The following NANS variants were observed in gnomAD, a reference collection of about 807,000 sequenced individuals.
NANS encodes the protein N-acetylneuraminate synthase, also known as N-acetylneuraminate-9-phosphate synthase.
A neutral mutation model predicts 33.3 loss-of-function variants in NANS; 29 were observed. The observed-to-expected ratio is 0.87, with a 90% CI of 0.65 to 1.19. The LOEUF (loss-of-function observed/expected upper bound fraction) is 1.19, where lower values mean the gene tolerates loss of function less well. Ranked by LOEUF, NANS falls within the 50% of genes most tolerant of loss-of-function variation. NANS has a pLI of 0.00. For synonymous variants in NANS, 163 were observed against 177.2 expected (o/e 0.92, Z 0.64); for missense variants, 394 against 461.1 (o/e 0.85, Z 1.33).
intron 2 of NANS, among the ~76,000 whole-genome samples, chr9:98,067,501 T>C (rs895994866): frequency 6.6e-6 from 1 of 152,218 alleles, no homozygotes; most frequent in Non-Finnish European, 1.5e-5. Flanking sequence ...TCTTTTCATG[T>C]GTCTGTTGGT....
At chr9:98,081,373 C>A in intron 5 of NANS, 1 of 417,710 alleles carries the variant, frequency 2.4e-6, no homozygotes, top group Non-Finnish European at 4.3e-6. Flanking sequence ...CCCAGTACTC[C>A]TAGACTCCAG....
intron 1 of NANS, among the ~76,000 whole-genome samples, chr9:98,059,312 T>C (rs1828909799): frequency 6.6e-6 from 1 of 152,230 alleles, no homozygotes; most frequent in Non-Finnish European, 1.5e-5. Flanking sequence ...TGTGAGCCAC[T>C]GCGCCCGGCA....
At chr9:98,059,107 T>C (rs1828903215) in intron 1 of NANS, among the ~76,000 whole-genome samples, 1 of 151,948 alleles carries the variant, frequency 6.6e-6, no homozygotes. Flanking sequence ...TACTGCAAGC[T>C]CCGCCTCCTG....
At chr9:98,082,146 G>T (rs1587933442) in intron 5 of NANS, 1 of 152,274 alleles carries the variant, frequency 6.6e-6, no homozygotes, top group South Asian at 2.1e-4. Flanking sequence ...TGAGCTTCAG[G>T]TACCCTTCAT....
rs375797722 is a variant in NANS at position 98,060,849 on chromosome 9, T to A, written c.200T>A (p.Leu67Ter). The A allele has an allele frequency of 6.2e-7, 1 of 1,614,192 alleles. No individual in the cohort carries two copies. Among genetic ancestry groups the A allele is most frequent in the Non-Finnish European group, 8.5e-7 (1 of 1,180,042 alleles). The change falls in exon 2 of 6, where the codon TTG becomes TAG. Residue 67 changes from leucine (L) to a stop codon, truncating the protein, a stop_gained. Coordinates refer to ENST00000210444, the MANE Select transcript of NANS (RefSeq NM_018946.4). LOFTEE classifies it high-confidence loss of function. The stretch of plus-strand genomic sequence containing the variant: ...GAATTCAAGTTTAATCGGAAAGCCT[T>A]GGAGAGGCCATACACCTCGAAGCAT... Reference protein sequence around the residue: ...ELEFKFNRKALERPYTSKHSW... With the variant: ...ELEFKFNRKA
chr9:98,075,915 CTT>C (rs1027901301), intron 2 of NANS: 2 of 152,122 alleles, frequency 1.3e-5, no homozygotes, highest in African/African-American at 4.8e-5. Context: ...AGATTTTACT[CTT>C]ATAACTTGTG....
At chr9:98,063,888 C>T (rs1829058491) in intron 2 of NANS, among the ~76,000 whole-genome samples, 1 of 151,666 alleles carries the variant, frequency 6.6e-6, no homozygotes, top group Non-Finnish European at 1.5e-5. Flanking sequence ...CATCTTTTCT[C>T]TGTTTGGGGT....
chr9:98,065,020 C>A (rs1587907893), intron 2 of NANS, among the ~76,000 whole-genome samples: 1 of 152,180 alleles, frequency 6.6e-6, no homozygotes, highest in Admixed American at 6.6e-5. Context: ...GCAGGGGCCT[C>A]ACTCTGCATC....
chr9:98,057,321 C>T (rs979725212), intron 1 of NANS, among the ~76,000 whole-genome samples: 1 of 152,170 alleles, frequency 6.6e-6, no homozygotes, highest in African/African-American at 2.4e-5. Context: ...CCCCTTCCAG[C>T]CCGTCATAAT....
At chr9:98,066,788 T>C (rs1021436022) in intron 2 of NANS, among the ~76,000 whole-genome samples, 12 of 152,012 alleles carry the variant, frequency 7.9e-5, no homozygotes, top group African/African-American at 2.9e-4. Context: ...GTAGCTGGGA[T>C]TGCAGTCATG....
At chr9:98,069,874 A>G (rs1159667521) in intron 2 of NANS, among the ~76,000 whole-genome samples, 1 of 152,148 alleles carries the variant, frequency 6.6e-6, no homozygotes, top group East Asian at 1.9e-4. Context: ...ATTGCATATA[A>G]TTAAATATAG....
At position 98,057,070 on chromosome 9, in the gene NANS, G is replaced by A. The variant is rs112920444; in HGVS notation, c.132+130G>A. 7.7e-4 allele frequency: 994 copies of A among 1,287,228 alleles called. 2 individuals are homozygous for A. The highest frequency in any genetic ancestry group is 2.7e-3 in the South Asian group (172 of 63,482). 79.7% of individuals were successfully genotyped at this position (1,287,228 alleles called of 1,614,324 possible). A position where few individuals can be genotyped will look rare whatever the true frequency, so the allele number is the denominator to read the frequency against. The stretch of plus-strand genomic sequence containing the variant: ...CGGCCTCTTCCCGCCCGCCAGTTCC[G>A]TTTTCGGAATCCTTCGGATCCCTCT... On this transcript the variant is annotated intron_variant, in intron 1 of 5. Transcript: ENST00000210444.
rs754105305 is a variant in NANS, at chr9:98,082,880, C to T, written c.905C>T (p.Pro302Leu). 105 of 1,613,878 alleles carry T rather than the reference C, an allele frequency of 6.5e-5. No individual in the cohort carries two copies. The highest frequency in any genetic ancestry group is 4.9e-4 in the Middle Eastern group (3 of 6,084). Reference sequence around the variant, plus strand: ...TCTGTGGTGGCCAAAGTGAAAATTCCGGAAGGCACCATTCTAACAATGGAC... The same window carrying T: ...TCTGTGGTGGCCAAAGTGAAAATTCTGGAAGGCACCATTCTAACAATGGAC... ...GKSVVAKVKI[P>L]EGTILTMDML... The change falls in exon 6 of 6, where the codon CCG becomes CTG. Residue 302 changes from proline to leucine, a missense_variant. Coordinates refer to ENST00000210444, the MANE Select transcript of NANS (RefSeq NM_018946.4).
In NANS at chr9:98,060,846, C is replaced by G. The variant is rs753192309; in HGVS notation, c.197C>G (p.Ala66Gly). The G allele has an allele frequency of 1.9e-6, 3 of 1,614,142 alleles. No individual in the cohort carries two copies. Among genetic ancestry groups the G allele is most frequent in the Non-Finnish European group, 2.5e-6 (3 of 1,180,042 alleles). ...CTAGAATTCAAGTTTAATCGGAAAGCCTTGGAGAGGCCATACACCTCGAAG... is the reference window on the plus strand; with the variant it reads ...CTAGAATTCAAGTTTAATCGGAAAGGCTTGGAGAGGCCATACACCTCGAAG... ...SELEFKFNRK[A>G]LERPYTSKHS... Residue 66 changes from alanine to glycine, a missense_variant, in exon 2 of 6, where the codon GCC (alanine) becomes GGC (glycine). Ala to Gly is a moderately conservative substitution (Grantham distance 60). Transcript: ENST00000210444.
intron 1 of NANS, among the ~76,000 whole-genome samples, chr9:98,057,171 C>A (rs964612534): frequency 6.6e-6 from 1 of 152,242 alleles, no homozygotes; most frequent in Non-Finnish European, 1.5e-5. Context: ...GTTTCCTCCC[C>A]GTTCTGGTGC....
At position 98,080,912 on chromosome 9, in the gene NANS, G is replaced by A. The variant is rs142834890; in HGVS notation, c.700G>A (p.Val234Met). The change falls in exon 5 of 6, where the codon GTG (valine) becomes ATG (methionine). Residue 234 changes from valine to methionine, a missense_variant. Transcript: ENST00000210444. ...SVAAVALGAK[V>M]LERHITLDKT... ...GGCCGCAGTGGCTCTGGGGGCCAAG[G>A]TGTTGGAACGTCACATAACTTTGGA... The A allele has an allele frequency of 2.3e-4, 365 of 1,614,250 alleles. 1 individual carries two copies. The highest frequency in any genetic ancestry group is 1.8e-3 in the Middle Eastern group (11 of 6,060).
chr9:98,061,094 C>T, intron 2 of NANS, 97 bp downstream of exon 2: 1 of 1,158,358 alleles, frequency 8.6e-7, no homozygotes, highest in Non-Finnish European at 1.3e-6. Flanking sequence ...CCAGCCCTTG[C>T]TCATCCTTTC....
intron 2 of NANS, among the ~76,000 whole-genome samples, chr9:98,070,552 C>G (rs185355716): frequency 6.6e-6 from 1 of 152,074 alleles, no homozygotes; most frequent in African/African-American, 2.4e-5. Flanking sequence ...TCCTGAGTAG[C>G]TAGGATTATA....
chr9:98,058,018 G>C (rs1276233730), intron 1 of NANS, among the ~76,000 whole-genome samples: 1 of 143,962 alleles, frequency 6.9e-6, no homozygotes, highest in South Asian at 2.2e-4. Flanking sequence ...TGCCTCCCAG[G>C]CTTAAGTGAT....
Sources: allele counts gnomAD v4.1 joint callset (sites outside exome capture counted in the v4.1 genomes callset), GRCh38; gene constraint gnomAD v4.1.1; transcripts MANE v1.5; gene names NCBI Gene and HGNC (gene_info 2026-07-23, HGNC 2026-07-21).